Variants in CIB4 observed in about 807,000 individuals in gnomAD.
CIB4 encodes calcium and integrin-binding family member 4.
CIB4 carries 25 observed loss-of-function variants against 25.8 expected under a neutral mutation model. The observed-to-expected ratio is 0.97, with a 90% CI of 0.71 to 1.35. CIB4 has a LOEUF of 1.35. Ranked by LOEUF, CIB4 falls within the 40% of genes most tolerant of loss-of-function variation. CIB4 has a pLI of 0.00. For missense variants in CIB4, 235 were observed against 228.2 expected (o/e 1.03, Z -0.19); for synonymous variants, 75 against 81.4 (o/e 0.92, Z 0.42).
intron 3 of CIB4, 95 bp from the exon 4 acceptor site, chr2:26,595,412 G>T: frequency 1.5e-6 from 2 of 1,374,946 alleles, no homozygotes; most frequent in Admixed American, 1.9e-5. Flanking sequence ...TGTGTCCTGG[G>T]TTTGAGATGA....
intron 4 of CIB4, among the ~76,000 whole-genome samples, chr2:26,593,339 T>TATATATAC (rs1208160994): frequency 2.6e-5 from 4 of 151,850 alleles, no homozygotes; most frequent in African/African-American, 9.7e-5. Context: ...TGTGTGTGTG[T>TATATATAC]ATATATACAT....
At chr2:26,623,256 T>C (rs1392406673) in intron 3 of CIB4, among the ~76,000 whole-genome samples, 2 of 151,892 alleles carry the variant, frequency 1.3e-5, no homozygotes, top group Non-Finnish European at 2.9e-5. Context: ...GGCAGGAGGA[T>C]CGCTTTAGCC....
At chr2:26,589,097 T>C (rs1377632035) in intron 4 of CIB4, among the ~76,000 whole-genome samples, 5 of 116,420 alleles carry the variant, frequency 4.3e-5, no homozygotes, top group South Asian at 3.2e-4. Flanking sequence ...TTCTTCTTCT[T>C]CTTCTTCTTC....
intron 3 of CIB4, among the ~76,000 whole-genome samples, chr2:26,628,940 G>C (rs1007148132): frequency 4.6e-5 from 7 of 152,202 alleles, no homozygotes; most frequent in African/African-American, 1.7e-4. Flanking sequence ...ACAGACAGCA[G>C]AGGAAACTGG....
chr2:26,606,685 G>A (rs1178514998), intron 3 of CIB4, among the ~76,000 whole-genome samples: 1 of 152,164 alleles, frequency 6.6e-6, no homozygotes, highest in Non-Finnish European at 1.5e-5. Flanking sequence ...GGAGCATGGA[G>A]GGTGAGAAAT....
At chr2:26,583,741 G>T (rs762027788) in intron 5 of CIB4, 48 bp downstream of exon 5, 3 of 1,266,324 alleles carry the variant, frequency 2.4e-6, no homozygotes, top group South Asian at 2.4e-5. Flanking sequence ...TGACAACCTG[G>T]CCCCTATCCC....
At chr2:26,620,142 G>A (rs1352921594) in intron 3 of CIB4, among the ~76,000 whole-genome samples, 19 of 136,012 alleles carry the variant, frequency 1.4e-4, no homozygotes, top group East Asian at 4.3e-4. Context: ...AGCCCACAGT[G>A]GGGAAGGTGA....
At chr2:26,594,331 C>A (rs116711327) in intron 4 of CIB4, among the ~76,000 whole-genome samples, 1 of 152,154 alleles carries the variant, frequency 6.6e-6, no homozygotes, top group Non-Finnish European at 1.5e-5. Context: ...ATATTAAGTC[C>A]TTTTTACAGA....
intron 3 of CIB4, among the ~76,000 whole-genome samples, chr2:26,597,596 C>T: frequency 6.6e-6 from 1 of 152,198 alleles, no homozygotes; most frequent in South Asian, 2.1e-4. Context: ...CTTACTATAT[C>T]CATTAAAGGG....
intron 3 of CIB4, among the ~76,000 whole-genome samples, chr2:26,601,037 TA>T (rs2148202168): frequency 6.6e-6 from 1 of 151,648 alleles, no homozygotes; most frequent in African/African-American, 2.4e-5. Context: ...CTAGGCAACA[TA>T]ATGAGACCCT....
chr2:26,617,145 T>C (rs62129513), intron 3 of CIB4, among the ~76,000 whole-genome samples: 4 of 139,022 alleles, frequency 2.9e-5, no homozygotes, highest in African/African-American at 5.1e-5. Flanking sequence ...TGTGTGTGTG[T>C]GTGCACGTGA....
At chr2:26,592,301 C>T (rs536964766) in intron 4 of CIB4, among the ~76,000 whole-genome samples, 7 of 152,170 alleles carry the variant, frequency 4.6e-5, no homozygotes, top group Admixed American at 1.3e-4. Flanking sequence ...GAGGCCTGGC[C>T]GAGAGGAGCA....
At chr2:26,619,487 G>A (rs922376138) in intron 3 of CIB4, among the ~76,000 whole-genome samples, 6 of 152,196 alleles carry the variant, frequency 3.9e-5, no homozygotes, top group Non-Finnish European at 8.8e-5. Context: ...CATCGGAAAG[G>A]CAGGTGTGAT....
chr2:26,583,978 C>T lies in CIB4; in HGVS notation c.329-80G>A, dbSNP rs573178125. The T allele has an allele frequency of 1.2e-3, 1,046 of 863,392 alleles. 2 individuals carry two copies. Among genetic ancestry groups the T allele is most frequent in the Non-Finnish European group, 1.5e-3 (780 of 519,434 alleles). The allele number at this position is 863,392 out of a possible 1,614,324, so 53.5% of individuals were successfully genotyped here. A position where few individuals can be genotyped will look rare whatever the true frequency, so the allele number is the denominator to read the frequency against. On this transcript the variant is annotated intron_variant, in intron 4 of 6. Coordinates refer to ENST00000288861, the MANE Select transcript of CIB4 (RefSeq NM_001029881.3). ...AGGACTTGAGGAGTCCTGGGGGACA[C>T]AGCACCAGCCAGGACCCCACAGATG... is the stretch of plus-strand genomic sequence containing the variant.
At chr2:26,593,435 CTATAT>C (rs1558557444) in intron 4 of CIB4, among the ~76,000 whole-genome samples, 1 of 151,516 alleles carries the variant, frequency 6.6e-6, no homozygotes, top group African/African-American at 2.4e-5. Flanking sequence ...TATATACACA[CTATAT>C]ATACCCACAC....
chr2:26,629,344 C>T, intron 3 of CIB4, 66 bp downstream of exon 3: 2 of 1,032,192 alleles, frequency 1.9e-6, no homozygotes, highest in South Asian at 2.7e-5. Flanking sequence ...CCCCTCCCAG[C>T]ACCCATCAGC....
chr2:26,632,822 A>G (rs182537240), intron 2 of CIB4, among the ~76,000 whole-genome samples: 1 of 152,222 alleles, frequency 6.6e-6, no homozygotes, highest in East Asian at 1.9e-4. Flanking sequence ...GCTCCAGTCA[A>G]AAGGAGCATT....
chr2:26,594,332 T>C (rs534441733), intron 4 of CIB4, among the ~76,000 whole-genome samples: 44 of 152,328 alleles, frequency 2.9e-4, no homozygotes, highest in Admixed American at 5.9e-4. Context: ...TATTAAGTCC[T>C]TTTTACAGAT....
chr2:26,608,994 G>A (rs1668946824), intron 3 of CIB4, among the ~76,000 whole-genome samples: 1 of 152,074 alleles, frequency 6.6e-6, no homozygotes, highest in South Asian at 2.1e-4. Flanking sequence ...GATTTTTTTA[G>A]GAAATGTTTC....
Sources: gnomAD v4.1 joint callset for allele counts (sites outside exome capture counted in the v4.1 genomes callset) on GRCh38, gnomAD v4.1.1 for gene constraint, MANE v1.5 for transcripts, NCBI Gene and HGNC (gene_info 2026-07-23, HGNC 2026-07-21) for gene names.